ST6GAL1: variants seen among roughly 807,000 people sequenced by gnomAD.
ST6GAL1 encodes ST6 beta-galactoside alpha-2,6-sialyltransferase 1.
ST6GAL1 carries 20 observed loss-of-function variants against 38.0 expected under a neutral mutation model. The observed-to-expected ratio is 0.53, with a 90% CI of 0.37 to 0.77. The LOEUF (loss-of-function observed/expected upper bound fraction) is 0.77, where lower values mean the gene tolerates loss of function less well. Ranked by LOEUF, ST6GAL1 falls within the 30% of genes least tolerant of loss-of-function variation. The pLI is 0.00. For missense variants in ST6GAL1, 432 were observed against 496.4 expected, an observed-to-expected ratio of 0.87 and a Z score of 1.23; for synonymous variants, 196 against 188.2, an observed-to-expected ratio of 1.04 and a Z score of -0.34.
intron 5 of ST6GAL1, among the ~76,000 whole-genome samples, chr3:187,071,350 T>C (rs775430780): frequency 5.3e-5 from 8 of 152,184 alleles, no homozygotes; most frequent in Non-Finnish European, 7.3e-5. Flanking sequence ...CTTAAGCCTT[T>C]GGGGCTACTT....
chr3:187,031,516 A>G (rs1208257116), intron 2 of ST6GAL1, among the ~76,000 whole-genome samples: 1 of 149,906 alleles, frequency 6.7e-6, no homozygotes, highest in African/African-American at 2.5e-5. Context: ...GCTCACTGCA[A>G]CCTCCACCTC....
At chr3:187,031,392 C>A (rs1717745588) in intron 2 of ST6GAL1, among the ~76,000 whole-genome samples, 1 of 151,974 alleles carries the variant, frequency 6.6e-6, no homozygotes, top group Non-Finnish European at 1.5e-5. Context: ...GTAATGGTAT[C>A]CACAGAGGAA....
rs1719545088 is a variant in ST6GAL1 at position 187,075,913 on chromosome 3, A to T, written c.*110A>T. On this transcript the variant is annotated 3_prime_UTR_variant, in exon 8 of 8. Coordinates refer to ENST00000169298, the MANE Select transcript of ST6GAL1 (RefSeq NM_173216.2). This position sits in a 1 kb window ranked among gnomAD's most constrained non-coding sequence, Gnocchi z 4.1. The stretch of plus-strand genomic sequence containing the variant: ...AATTCCAGCCTGCTCCTTTTACTCT[A>T]GGGGCCTCTGTCAGCAAGACCATGG... 1 of 1,494,054 alleles carries T rather than the reference A, an allele frequency of 6.7e-7. No homozygotes were observed. The highest frequency in any genetic ancestry group is 2.1e-5 in the Admixed American group (1 of 47,942). The allele number at this position is 1,494,054 out of a possible 1,614,324, so 92.5% of individuals were successfully genotyped here. A position where few individuals can be genotyped will look rare whatever the true frequency, so the allele number is the denominator to read the frequency against.
At chr3:187,049,182 C>T (rs903171360) in intron 4 of ST6GAL1, among the ~76,000 whole-genome samples, 9 of 152,290 alleles carry the variant, frequency 5.9e-5, no homozygotes, top group East Asian at 1.9e-4. Flanking sequence ...TGAGCTACTG[C>T]GCCCAGCTGA....
At chr3:187,052,657 A>G (rs1055614759) in intron 5 of ST6GAL1, among the ~76,000 whole-genome samples, 17 of 152,336 alleles carry the variant, frequency 1.1e-4, no homozygotes, top group South Asian at 6.2e-4. Context: ...ATAGTATTCC[A>G]TGGTGTATAC....
intron 5 of ST6GAL1, among the ~76,000 whole-genome samples, chr3:187,058,103 G>T (rs548709624): frequency 2.1e-4 from 32 of 152,366 alleles, no homozygotes; most frequent in Non-Finnish European, 3.5e-4. Context: ...CGCTGAGCCA[G>T]GCACAGGATA....
At chr3:186,965,259 C>T (rs73187770) in intron 2 of ST6GAL1, among the ~76,000 whole-genome samples, 2,347 of 152,330 alleles carry the variant, frequency 0.015, 24 homozygotes, top group Non-Finnish European at 0.024. Flanking sequence ...CAATGCAGGA[C>T]ATAAGAGCCA....
At chr3:187,023,285 C>G (rs1271354199) in intron 2 of ST6GAL1, among the ~76,000 whole-genome samples, 1 of 152,216 alleles carries the variant, frequency 6.6e-6, no homozygotes, top group Non-Finnish European at 1.5e-5. Flanking sequence ...CTTCCCTACT[C>G]TAATTGTCTG....
chr3:186,958,631 A>G (rs1367169275), intron 1 of ST6GAL1, among the ~76,000 whole-genome samples: 1 of 152,132 alleles, frequency 6.6e-6, no homozygotes, highest in Non-Finnish European at 1.5e-5. Flanking sequence ...CTTAAAAATC[A>G]TTGGTGTGTG....
Position 186,985,465 on chromosome 3 carries a change from G to T in ST6GAL1, c.-183+21539G>T, listed in dbSNP as rs368016980. Among the ~76,000 whole-genome samples the T allele has an allele frequency of 2.6e-5, 4 of 151,852 alleles. No homozygotes were observed. In the South Asian group the frequency reaches 6.2e-4, roughly 24 times the overall value. ...TAAGCGTAGAATATAAAGCTTTTGT[G>T]CAGGTCTCTAAAAGTTTTTGAAAGG... On this transcript the variant is annotated intron_variant, in intron 2 of 7. Coordinates refer to ENST00000169298, the MANE Select transcript of ST6GAL1 (RefSeq NM_173216.2).
At chr3:187,064,376 G>C in intron 5 of ST6GAL1, 1 of 384,834 alleles carries the variant, frequency 2.6e-6, no homozygotes, top group Non-Finnish European at 5.2e-6. Flanking sequence ...ATCCTGCCCA[G>C]TAGGCACATG....
At chr3:187,047,457 G>A (rs538409842) in intron 4 of ST6GAL1, among the ~76,000 whole-genome samples, 11 of 152,236 alleles carry the variant, frequency 7.2e-5, no homozygotes, top group African/African-American at 2.6e-4. Context: ...GGATTTTGAT[G>A]TATTTATGAA....
chr3:187,017,034 A>G (rs1185842529), intron 2 of ST6GAL1, among the ~76,000 whole-genome samples: 1 of 152,218 alleles, frequency 6.6e-6, no homozygotes, highest in African/African-American at 2.4e-5. Context: ...AGAGTTGATG[A>G]CAGTGTAGCC....
rs1223087431 is a variant in ST6GAL1, at chr3:187,077,737, G to A, written c.*1934G>A. Reference sequence around the variant, plus strand: ...CATGCTGGTTTCCTTCCTGCCTTTAGTAGGGACCTGCTCTGTGCTCACACC... The same window carrying A: ...CATGCTGGTTTCCTTCCTGCCTTTAATAGGGACCTGCTCTGTGCTCACACC... On this transcript the variant is annotated 3_prime_UTR_variant, in exon 8 of 8. Transcript: ENST00000169298. The A allele has an allele frequency of 6.6e-6, 1 of 152,310 alleles. No homozygotes were observed. The highest frequency in any genetic ancestry group is 1.5e-5 in the Non-Finnish European group (1 of 68,136). 9.4% of individuals were successfully genotyped at this position (152,310 alleles called of 1,614,324 possible). A position where few individuals can be genotyped will look rare whatever the true frequency, so the allele number is the denominator to read the frequency against.
intron 2 of ST6GAL1, among the ~76,000 whole-genome samples, chr3:186,999,467 A>G (rs1381533068): frequency 1.3e-5 from 2 of 148,244 alleles, no homozygotes; most frequent in African/African-American, 5.0e-5. Context: ...ACTGGAGTGC[A>G]GTGGCACGAT....
At chr3:186,945,658 G>A (rs980656585) in intron 1 of ST6GAL1, among the ~76,000 whole-genome samples, 5 of 152,126 alleles carry the variant, frequency 3.3e-5, no homozygotes, top group Non-Finnish European at 7.4e-5. Context: ...TAGGGGAGAC[G>A]TGAGGAGATG....
chr3:187,060,528 G>A (rs1718878243), intron 5 of ST6GAL1, among the ~76,000 whole-genome samples: 1 of 152,172 alleles, frequency 6.6e-6, no homozygotes, highest in South Asian at 2.1e-4. Flanking sequence ...TTTCATCTGA[G>A]CAGAGGGGCT....
chr3:187,035,325 G>A, intron 2 of ST6GAL1, among the ~76,000 whole-genome samples: 1 of 152,190 alleles, frequency 6.6e-6, no homozygotes, highest in East Asian at 1.9e-4. Flanking sequence ...CAGCCACACT[G>A]CCCAAAGCAA....
intron 2 of ST6GAL1, among the ~76,000 whole-genome samples, chr3:186,969,128 T>A (rs1233796589): frequency 1.3e-5 from 2 of 149,344 alleles, no homozygotes; most frequent in African/African-American, 4.9e-5. Context: ...CTCAGCTCAC[T>A]GCAACCTCTG....
Sources: allele counts gnomAD v4.1 joint callset (sites outside exome capture counted in the v4.1 genomes callset), GRCh38; gene constraint gnomAD v4.1.1; non-coding constraint Gnocchi (gnomAD v3.1); transcripts MANE v1.5; gene names NCBI Gene and HGNC (gene_info 2026-07-23, HGNC 2026-07-21).